TLL1: variants seen among roughly 807,000 people sequenced by gnomAD.
TLL1 encodes tolloid-like protein 1.
In TLL1, 49 loss-of-function variants were observed where a neutral mutation model predicts 128.2. That is an observed-to-expected ratio of 0.38 (90% CI 0.30 to 0.48). TLL1 has a LOEUF of 0.48. TLL1 is among the 20% of genes least tolerant of loss of function. The pLI is 0.96. For missense variants in TLL1, 1,123 were observed against 1,242.0 expected (o/e 0.90, Z 1.44); for synonymous variants, 454 against 418.8 (o/e 1.08, Z -1.03).
chr4:166,090,741 C>T (rs1029230287), intron 18 of TLL1, among the ~76,000 whole-genome samples: 4 of 152,054 alleles, frequency 2.6e-5, no homozygotes, highest in East Asian at 1.9e-4. Flanking sequence ...TAATGTTCAA[C>T]GGGTTCTATG....
At chr4:166,025,797 T>C (rs1206441809) in intron 9 of TLL1, among the ~76,000 whole-genome samples, 2 of 152,170 alleles carry the variant, frequency 1.3e-5, no homozygotes, top group East Asian at 3.9e-4. Flanking sequence ...AATTGTAAAC[T>C]ATTTTCAACT....
chr4:166,093,280 GCT>G (rs1741861733), intron 19 of TLL1, among the ~76,000 whole-genome samples: 2 of 152,118 alleles, frequency 1.3e-5, no homozygotes, highest in South Asian at 4.1e-4. Context: ...AGAGGAATGC[GCT>G]AGGAGAGCAG....
chr4:165,966,506 G>A (rs1735382466), intron 1 of TLL1, among the ~76,000 whole-genome samples: 1 of 152,192 alleles, frequency 6.6e-6, no homozygotes, highest in East Asian at 1.9e-4. Context: ...ATCTTACCAG[G>A]GAAGATGTAT....
intron 15 of TLL1, among the ~76,000 whole-genome samples, chr4:166,062,594 G>T (rs929284293): frequency 2.0e-5 from 3 of 152,116 alleles, no homozygotes; most frequent in Admixed American, 6.6e-5. Context: ...GCTGAAGTTG[G>T]TTTTCAGCTT....
chr4:165,952,120 A>G (rs1446823315), intron 1 of TLL1, among the ~76,000 whole-genome samples: 1 of 152,152 alleles, frequency 6.6e-6, no homozygotes, highest in East Asian at 1.9e-4. Flanking sequence ...TGTGATTAAA[A>G]AGGGAGAATT....
rs7698537 is a variant in TLL1, at chr4:165,929,293, T to C, written c.169+55220T>C. On this transcript the variant is annotated intron_variant, in intron 1 of 20. Transcript: ENST00000061240. Reference sequence around the variant, plus strand: ...CTCATCTTTCTATTGTTTAAAGAAGTAGAGGGAGGCCAAGGTGGGCGGATC... The same window carrying C: ...CTCATCTTTCTATTGTTTAAAGAAGCAGAGGGAGGCCAAGGTGGGCGGATC... Among the ~76,000 whole-genome samples, 995 of 152,168 alleles carry C rather than the reference T, an allele frequency of 6.5e-3. 12 individuals carry two copies. The highest frequency in any genetic ancestry group is 0.021 in the African/African-American group (884 of 41,534).
At chr4:166,031,363 C>CTTTTTTTTTTTTTTT (rs35799879) in intron 9 of TLL1, among the ~76,000 whole-genome samples, 1 of 102,274 alleles carries the variant, frequency 9.8e-6, no homozygotes. Flanking sequence ...ATTGCAAGGT[C>CTTTTTTTTTTTTTTT]TTTTTTTTTT....
intron 9 of TLL1, among the ~76,000 whole-genome samples, chr4:166,027,061 A>G (rs1353907418): frequency 6.6e-6 from 1 of 152,222 alleles, no homozygotes; most frequent in African/African-American, 2.4e-5. Flanking sequence ...TGCAGCCGTA[A>G]AAAAGAATGA....
intron 1 of TLL1, among the ~76,000 whole-genome samples, chr4:165,952,977 C>T (rs572421219): frequency 6.6e-6 from 1 of 152,210 alleles, no homozygotes; most frequent in Non-Finnish European, 1.5e-5. Flanking sequence ...TGTACGTTTA[C>T]TTACTTCTAA....
At chr4:166,100,383 T>A (rs150898381) in intron 20 of TLL1, among the ~76,000 whole-genome samples, 47 of 152,224 alleles carry the variant, frequency 3.1e-4, no homozygotes, top group African/African-American at 1.1e-3. Context: ...TTAGTATCTC[T>A]TTACACTCTC....
chr4:165,876,527 A>G (rs924034857), intron 1 of TLL1, among the ~76,000 whole-genome samples: 1 of 152,234 alleles, frequency 6.6e-6, no homozygotes, highest in Non-Finnish European at 1.5e-5. Flanking sequence ...GGGTCTTCAT[A>G]TTCCTCAAAG....
At chr4:166,037,109 T>C (rs1739040281) in intron 9 of TLL1, among the ~76,000 whole-genome samples, 1 of 152,142 alleles carries the variant, frequency 6.6e-6, no homozygotes, top group South Asian at 2.1e-4. Context: ...AGTTGAAACC[T>C]TGGTGGTTGC....
intron 18 of TLL1, among the ~76,000 whole-genome samples, chr4:166,086,707 G>A (rs537020872): frequency 6.6e-6 from 1 of 152,174 alleles, no homozygotes; most frequent in East Asian, 1.9e-4. Context: ...AAAGCAAATC[G>A]CTAAGTCTGG....
intron 1 of TLL1, among the ~76,000 whole-genome samples, chr4:165,933,229 C>T (rs760828241): frequency 1.3e-5 from 2 of 152,102 alleles, no homozygotes; most frequent in Non-Finnish European, 2.9e-5. Context: ...ATCAATCTCC[C>T]CCCATACACT....
At chr4:165,931,036 T>A (rs1428747683) in intron 1 of TLL1, among the ~76,000 whole-genome samples, 1 of 152,202 alleles carries the variant, frequency 6.6e-6, no homozygotes, top group East Asian at 1.9e-4. Flanking sequence ...CAGCAACCAT[T>A]TAAAGTAGGA....
chr4:166,016,256 T>C (rs1168209077), intron 8 of TLL1, among the ~76,000 whole-genome samples: 1 of 152,060 alleles, frequency 6.6e-6, no homozygotes, highest in Non-Finnish European at 1.5e-5. Context: ...AAAAAAGATA[T>C]GGGTGATCCT....
chr4:166,055,311 C>T, intron 13 of TLL1, 40 bp downstream of exon 13: 1 of 1,564,070 alleles, frequency 6.4e-7, no homozygotes, highest in Admixed American at 1.7e-5. Flanking sequence ...TTTTCTTTAT[C>T]AAGGATACTT....
chr4:166,078,019 C>A lies in TLL1; in HGVS notation c.2431C>A (p.Arg811=), dbSNP rs773518843. Residue 811 remains arginine, a synonymous_variant, in exon 18 of 21, where the codon CGA becomes AGA. Transcript: ENST00000061240. ...TWEISATPGH[R]IKLAFSEFEI... is the part of the protein sequence containing the mutation. ...GGAAATCAGCGCCACTCCTGGCCACCGAATCAAATTAGTAAGTGAGCACAT... is the reference window on the plus strand; with the variant it reads ...GGAAATCAGCGCCACTCCTGGCCACAGAATCAAATTAGTAAGTGAGCACAT... 2.3e-5 allele frequency: 37 copies of A among 1,613,370 alleles called. No individual in the cohort carries two copies. Among genetic ancestry groups the A allele is most frequent in the Non-Finnish European group, 3.1e-5 (36 of 1,179,644 alleles).
At chr4:166,052,982 T>TATATATATATATATATATATATATA (rs1553965120) in intron 12 of TLL1, among the ~76,000 whole-genome samples, 17 of 145,408 alleles carry the variant, frequency 1.2e-4, no homozygotes, top group East Asian at 4.1e-4. Context: ...TATATATATA[T>TATATATATATATATATATATATATA]TTGGCCAAAT....
Sources: gnomAD v4.1 joint callset for allele counts (sites outside exome capture counted in the v4.1 genomes callset) on GRCh38, gnomAD v4.1.1 for gene constraint, MANE v1.5 for transcripts, NCBI Gene and HGNC (gene_info 2026-07-23, HGNC 2026-07-21) for gene names.